Variants in USP34 observed in about 807,000 individuals in gnomAD.
USP34 encodes ubiquitin carboxyl-terminal hydrolase 34.
USP34 carries 70 observed loss-of-function variants against 460.3 expected under a neutral mutation model. The ratio of observed to expected loss-of-function variants is 0.15; its 90% CI spans 0.13 to 0.19. USP34 has a LOEUF of 0.19. Ranked by LOEUF, USP34 falls within the 10% of genes least tolerant of loss-of-function variation. The probability of loss-of-function intolerance (pLI) is 1.00; values close to 1 mark genes in which losing one functional copy is unlikely to be tolerated. For missense variants in USP34, 3,985 were observed against 4,236.2 expected (o/e 0.94, Z 1.65); for synonymous variants, 1,647 against 1,405.3 (o/e 1.17, Z -3.85).
At chr2:61,344,276 A>C (rs1423603901) in intron 15 of USP34, among the ~76,000 whole-genome samples, 1 of 152,228 alleles carries the variant, frequency 6.6e-6, no homozygotes, top group African/African-American at 2.4e-5. Flanking sequence ...ACAAATTCAA[A>C]GAACAATTTT....
At chr2:61,291,161 T>A (rs1451127440) in intron 33 of USP34, among the ~76,000 whole-genome samples, 1 of 152,096 alleles carries the variant, frequency 6.6e-6, no homozygotes, top group Non-Finnish European at 1.5e-5. Flanking sequence ...TTGACATTAC[T>A]CCAAAGATAA....
At chr2:61,298,980 A>G (rs751972756) in intron 29 of USP34, among the ~76,000 whole-genome samples, 9 of 152,022 alleles carry the variant, frequency 5.9e-5, no homozygotes, top group Non-Finnish European at 1.3e-4. Flanking sequence ...TTTTGAAAAA[A>G]CCTTCTGCAA....
chr2:61,371,366 G>C (rs760368769), intron 8 of USP34, among the ~76,000 whole-genome samples: 1 of 150,520 alleles, frequency 6.6e-6, no homozygotes, highest in Non-Finnish European at 1.5e-5. Context: ...CATCTTTAAA[G>C]GATACTCTTT....
At chr2:61,356,410 A>G (rs1316121077) in intron 10 of USP34, among the ~76,000 whole-genome samples, 1 of 152,110 alleles carries the variant, frequency 6.6e-6, no homozygotes, top group African/African-American at 2.4e-5. Flanking sequence ...GGATGGCTTA[A>G]TCCTGGAAGG....
chr2:61,259,809 C>A (rs1688823673), intron 43 of USP34, 33 bp from the exon 44 acceptor site: 2 of 1,596,626 alleles, frequency 1.3e-6, no homozygotes, highest in Admixed American at 1.7e-5. Context: ...ATTAAAAACA[C>A]AGACATGATG....
At chr2:61,347,843 T>G (rs762354576) in intron 15 of USP34, 27 bp downstream of exon 15, 2 of 1,604,558 alleles carry the variant, frequency 1.2e-6, no homozygotes, top group East Asian at 4.5e-5. Context: ...AAATATGAAC[T>G]GAATATTTAT....
chr2:61,344,467 C>T (rs1691701821), intron 15 of USP34, among the ~76,000 whole-genome samples: 5 of 151,994 alleles, frequency 3.3e-5, no homozygotes, highest in African/African-American at 1.2e-4. Flanking sequence ...CAAACAAACC[C>T]AAATTAAGTA....
intron 32 of USP34, among the ~76,000 whole-genome samples, 176 bp from the exon 33 acceptor site, chr2:61,293,726 A>C (rs960296152): frequency 6.6e-6 from 1 of 152,188 alleles, no homozygotes; most frequent in Non-Finnish European, 1.5e-5. Context: ...TACTTTCAAG[A>C]ATTTAAGGGT....
intron 1 of USP34, among the ~76,000 whole-genome samples, chr2:61,430,761 G>A (rs1694649043): frequency 6.6e-6 from 1 of 152,090 alleles, no homozygotes. Context: ...TTCGTATTAA[G>A]AAATTACTCT....
At position 61,220,360 on chromosome 2, in the gene USP34, T is replaced by C; in HGVS notation, c.7997A>G (p.Asn2666Ser). 1 of 1,613,930 alleles carries C rather than the reference T, an allele frequency of 6.2e-7. No homozygotes were observed. Among genetic ancestry groups the C allele is most frequent in the Non-Finnish European group, 8.5e-7 (1 of 1,179,934 alleles). Reference sequence around the variant, plus strand: ...AGCCAAAAGAAACCGCTCGACCCAGTTTTCCATATTCTGTAAGACCCAGCT... The same window carrying C: ...AGCCAAAAGAAACCGCTCGACCCAGCTTTCCATATTCTGTAAGACCCAGCT... ...AHSWVLQNME[N>S]WVERFLLAHN... is the part of the protein sequence containing the mutation. The change falls in exon 67 of 80, where the codon AAC becomes AGC. Residue 2666 changes from asparagine to serine, a missense_variant. This residue lies in a region of USP34 where 604 missense variants were observed against 684.8 expected (regional missense o/e 0.88). Coordinates refer to ENST00000398571, the MANE Select transcript of USP34 (RefSeq NM_014709.4).
At chr2:61,227,011 T>A in intron 62 of USP34, 56 bp downstream of exon 62, 1 of 1,533,768 alleles carries the variant, frequency 6.5e-7, no homozygotes, top group Middle Eastern at 1.8e-4. Flanking sequence ...TAAACAATTA[T>A]GTAAAAATAA....
intron 33 of USP34, among the ~76,000 whole-genome samples, chr2:61,289,792 T>C (rs1689794825): frequency 6.6e-6 from 1 of 152,168 alleles, no homozygotes; most frequent in Admixed American, 6.5e-5. Flanking sequence ...CAAAATGTAT[T>C]GTTACAGATC....
intron 49 of USP34, among the ~76,000 whole-genome samples, chr2:61,247,269 G>A (rs1572868545): frequency 6.6e-6 from 1 of 152,140 alleles, no homozygotes; most frequent in Non-Finnish European, 1.5e-5. Flanking sequence ...GATGAGATCT[G>A]GCTGACTTGA....
At chr2:61,417,760 T>G (rs1434507129) in intron 2 of USP34, among the ~76,000 whole-genome samples, 2 of 146,174 alleles carry the variant, frequency 1.4e-5, no homozygotes, top group African/African-American at 4.9e-5. Flanking sequence ...TTTTTTTTTT[T>G]TAGACAAAGT....
At chr2:61,464,672 CG>C (rs1695710004) in intron 1 of USP34, among the ~76,000 whole-genome samples, 1 of 143,856 alleles carries the variant, frequency 7.0e-6, no homozygotes, top group Non-Finnish European at 1.5e-5. Context: ...AGCCCAAGAT[CG>C]CACCACTGCA....
intron 8 of USP34, among the ~76,000 whole-genome samples, chr2:61,376,176 T>G (rs561765087): frequency 6.9e-6 from 1 of 145,344 alleles, no homozygotes; most frequent in East Asian, 1.9e-4. Context: ...ATTCATTGAC[T>G]TGTATATTTT....
chr2:61,211,800 C>T lies in USP34; in HGVS notation c.8812G>A (p.Gly2938Ser). ...TISCYLRCLD[G>S]RSCWTTLISA... ...ATTAAAGTAGTCCAGCAGGAGCGGCCATCTAAGCAACGTAAGTAACAACTT... is the reference window on the plus strand; with the variant it reads ...ATTAAAGTAGTCCAGCAGGAGCGGCTATCTAAGCAACGTAAGTAACAACTT... The change falls in exon 69 of 80, where the codon GGC (glycine) becomes AGC (serine). Residue 2938 changes from glycine to serine, a missense_variant. By Grantham distance (56) the Gly-to-Ser change is moderately conservative. Coordinates refer to ENST00000398571, the MANE Select transcript of USP34 (RefSeq NM_014709.4). 6.3e-7 allele frequency: 1 copy of T among 1,588,604 alleles called. No homozygotes were observed. Among genetic ancestry groups the T allele is most frequent in the Middle Eastern group, 1.7e-4 (1 of 5,992 alleles).
intron 16 of USP34, among the ~76,000 whole-genome samples, chr2:61,341,755 CTTTTTTTTTTTTTTT>C (rs896288474): frequency 1.1e-5 from 1 of 91,752 alleles, no homozygotes; most frequent in African/African-American, 4.1e-5. Flanking sequence ...TCAGGTCTTT[CTTTTTTTTTTTTTTT>C]TTTTTTTTGA....
intron 67 of USP34, among the ~76,000 whole-genome samples, chr2:61,219,249 T>C (rs1687489522): frequency 6.6e-6 from 1 of 152,232 alleles, no homozygotes; most frequent in Non-Finnish European, 1.5e-5. Context: ...ATTTTGATTT[T>C]TGAGTACTTT....
Sources: gnomAD v4.1 joint callset for allele counts (sites outside exome capture counted in the v4.1 genomes callset) on GRCh38, gnomAD v4.1.1 for gene constraint, gnomAD v4.1.1 regional missense constraint, MANE v1.5 for transcripts, NCBI Gene and HGNC (gene_info 2026-07-23, HGNC 2026-07-21) for gene names.